The following NCKAP1 variants were observed in gnomAD, a reference collection of about 807,000 sequenced individuals.
The protein encoded by NCKAP1 is NCK associated protein 1.
A neutral mutation model predicts 151.2 loss-of-function variants in NCKAP1; 21 were observed. The observed-to-expected ratio is 0.14, with a 90% CI of 0.10 to 0.20. NCKAP1 has a LOEUF of 0.20. NCKAP1 is among the 10% of genes least tolerant of loss of function. The probability of loss-of-function intolerance (pLI) is 1.00; values close to 1 mark genes in which losing one functional copy is unlikely to be tolerated. For synonymous variants in NCKAP1, 484 were observed against 451.8 expected, an observed-to-expected ratio of 1.07 and a Z score of -0.90; for missense variants, 933 against 1,352.1, an observed-to-expected ratio of 0.69 and a Z score of 4.86.
At chr2:182,970,454 A>C (rs1697663821) in intron 15 of NCKAP1, among the ~76,000 whole-genome samples, 1 of 152,250 alleles carries the variant, frequency 6.6e-6, no homozygotes, top group Admixed American at 6.5e-5. Context: ...TATGCACATA[A>C]GGACAAAACT....
intron 2 of NCKAP1, among the ~76,000 whole-genome samples, chr2:183,017,437 C>T (rs753518190): frequency 3.3e-5 from 5 of 152,056 alleles, no homozygotes; most frequent in Admixed American, 6.5e-5. Flanking sequence ...CTCAAGAGCT[C>T]GCAACCTAGA....
chr2:182,987,881 T>G lies in NCKAP1; in HGVS notation c.947+1149A>C, dbSNP rs547196060. Among the ~76,000 whole-genome samples the G allele has an allele frequency of 1.2e-4, 18 of 149,274 alleles. No homozygotes were observed. The South Asian group carries it at 1.5e-3, about 13-fold the overall frequency. On this transcript the variant is annotated intron_variant, in intron 9 of 30. Coordinates refer to ENST00000361354, the MANE Select transcript of NCKAP1 (RefSeq NM_013436.5). ...GAATAGTAGTCACTTGAGAAAGGAG[T>G]GGGGGGGGAGTGGGGACTAGGCATG...
chr2:183,038,194 C>T lies in NCKAP1; in HGVS notation c.-95G>A. The stretch of plus-strand genomic sequence containing the variant: ...GCCTCTCTCGGGCCTCCTCCCCTCC[C>T]GCCCGCGACCTCCGCCTTAGGAGAG... On this transcript the variant is annotated 5_prime_UTR_variant, in exon 1 of 31. Coordinates refer to ENST00000361354, the MANE Select transcript of NCKAP1 (RefSeq NM_013436.5). 2 of 815,024 alleles carry T rather than the reference C, an allele frequency of 2.5e-6. No homozygotes were observed. Among genetic ancestry groups the T allele is most frequent in the Admixed American group, 3.9e-5 (1 of 25,702 alleles). The allele number at this position is 815,024 out of a possible 1,614,324, so 50.5% of individuals were successfully genotyped here.
chr2:182,956,652 T>A (rs1697334270), intron 19 of NCKAP1, 59 bp from the exon 20 acceptor site: 4 of 1,491,128 alleles, frequency 2.7e-6, no homozygotes, highest in Non-Finnish European at 9.0e-7. Context: ...AATACAAAAT[T>A]AATTTTATAA....
At chr2:182,934,927 A>G in intron 25 of NCKAP1, 95 bp from the exon 26 acceptor site, 1 of 625,212 alleles carries the variant, frequency 1.6e-6, no homozygotes. Flanking sequence ...TAGTTTTCAT[A>G]AAAATTATTT....
At chr2:182,972,224 C>CAAAAAAAAAAATAAAAAA (rs1697711769) in intron 15 of NCKAP1, among the ~76,000 whole-genome samples, 1 of 67,706 alleles carries the variant, frequency 1.5e-5, no homozygotes, top group Non-Finnish European at 2.7e-5. Flanking sequence ...AGCTTAATAG[C>CAAAAAAAAAAATAAAAAA]AAAAAAAAAA....
intron 23 of NCKAP1, among the ~76,000 whole-genome samples, chr2:182,944,539 C>T (rs1459575350): frequency 1.3e-5 from 2 of 152,106 alleles, no homozygotes; most frequent in African/African-American, 4.8e-5. Context: ...CGGTTGCTTT[C>T]TTCTCCTGAA....
rs564064973 is a variant in NCKAP1 at position 182,972,220 on chromosome 2, A to T, written c.1482+4673T>A. Among the ~76,000 whole-genome samples, 153 of 128,750 alleles carry T rather than the reference A, an allele frequency of 1.2e-3. 2 individuals are homozygous for T. The highest frequency in any genetic ancestry group is 4.3e-3 in the African/African-American group (148 of 34,144). 84.5% of individuals were successfully genotyped at this position (128,750 alleles called of 152,430 possible). A position where few individuals can be genotyped will look rare whatever the true frequency, so the allele number is the denominator to read the frequency against. Reference sequence around the variant, plus strand: ...ATATATAAGGAACTCAAACAGCTTAATAGCAAAAAAAAAAAAAAAAAAAAA... The same window carrying T: ...ATATATAAGGAACTCAAACAGCTTATTAGCAAAAAAAAAAAAAAAAAAAAA... On this transcript the variant is annotated intron_variant, in intron 15 of 30. Transcript: ENST00000361354.
chr2:182,937,352 A>G (rs1246238014), intron 24 of NCKAP1, among the ~76,000 whole-genome samples: 1 of 152,104 alleles, frequency 6.6e-6, no homozygotes, highest in Non-Finnish European at 1.5e-5. Context: ...TTATTTGCCA[A>G]ACCATTTGAC....
intron 26 of NCKAP1, among the ~76,000 whole-genome samples, chr2:182,932,693 G>C (rs1362343917): frequency 6.6e-6 from 1 of 151,264 alleles, no homozygotes; most frequent in Non-Finnish European, 1.5e-5. Flanking sequence ...AAGTTCTATT[G>C]AAAGTTTGCT....
chr2:182,940,659 G>A (rs1696977589), intron 24 of NCKAP1, among the ~76,000 whole-genome samples: 1 of 152,122 alleles, frequency 6.6e-6, no homozygotes, highest in Admixed American at 6.6e-5. Flanking sequence ...AGGCTGGTCT[G>A]GAATTCCTGA....
chr2:182,947,530 T>A (rs1283413833), intron 23 of NCKAP1, among the ~76,000 whole-genome samples: 1 of 152,210 alleles, frequency 6.6e-6, no homozygotes, highest in African/African-American at 2.4e-5. Flanking sequence ...TTTCCCAGGT[T>A]CTCCTTGGCG....
At chr2:183,026,850 G>C (rs1160087949) in intron 1 of NCKAP1, among the ~76,000 whole-genome samples, 1 of 152,084 alleles carries the variant, frequency 6.6e-6, no homozygotes, top group African/African-American at 2.4e-5. Context: ...CTCTAAAAAT[G>C]CTAGCTGCTT....
At chr2:182,983,951 A>G (rs936921142) in intron 10 of NCKAP1, among the ~76,000 whole-genome samples, 4 of 151,838 alleles carry the variant, frequency 2.6e-5, no homozygotes, top group Admixed American at 6.6e-5. Flanking sequence ...AAATCACTTG[A>G]GCCCAGGAGG....
intron 8 of NCKAP1, among the ~76,000 whole-genome samples, chr2:182,993,377 T>C (rs891211066): frequency 6.6e-5 from 10 of 152,156 alleles, no homozygotes; most frequent in African/African-American, 2.2e-4. Context: ...CTCTATTCTC[T>C]AAAGGTTAAT....
At chr2:182,927,253 C>T (rs956022759) in intron 29 of NCKAP1, 3 of 162,884 alleles carry the variant, frequency 1.8e-5, no homozygotes, top group African/African-American at 7.2e-5. Flanking sequence ...AGGAAGAAGA[C>T]AGTTTCACAC....
At chr2:182,994,196 A>G (rs1158780180) in intron 8 of NCKAP1, among the ~76,000 whole-genome samples, 1 of 152,228 alleles carries the variant, frequency 6.6e-6, no homozygotes, top group East Asian at 1.9e-4. Context: ...TTAAATAATC[A>G]TTAAAAGCAA....
At chr2:183,002,563 A>C (rs1224520776) in intron 4 of NCKAP1, among the ~76,000 whole-genome samples, 2 of 152,106 alleles carry the variant, frequency 1.3e-5, no homozygotes, top group Admixed American at 6.5e-5. Context: ...ACTGGTGCCA[A>C]TCTCACGAAA....
intron 18 of NCKAP1, 93 bp downstream of exon 18, chr2:182,962,065 TA>T: frequency 7.6e-7 from 1 of 1,315,422 alleles, no homozygotes; most frequent in South Asian, 1.5e-5. Flanking sequence ...GTGTGGGAAC[TA>T]AAGAATGGAA....
Sources: allele counts gnomAD v4.1 joint callset (sites outside exome capture counted in the v4.1 genomes callset), GRCh38; gene constraint gnomAD v4.1.1; transcripts MANE v1.5; gene names NCBI Gene and HGNC (gene_info 2026-07-23, HGNC 2026-07-21).